NAV3: variants seen among roughly 807,000 people sequenced by gnomAD.
The protein encoded by NAV3 is pore membrane and/or filament interacting like protein 1.
Under a neutral mutation model 244.7 loss-of-function variants are expected in NAV3, and 87 were observed. That is an observed-to-expected ratio of 0.36 (90% CI 0.30 to 0.42). The LOEUF (loss-of-function observed/expected upper bound fraction) is 0.42. NAV3 is among the 20% of genes least tolerant of loss of function. The pLI, the probability that NAV3 is intolerant of heterozygous loss-of-function variation, is 1.00. For synonymous variants in NAV3, 1,126 were observed against 1,042.2 expected (o/e 1.08, Z -1.55); for missense variants, 2,663 against 2,893.3 (o/e 0.92, Z 1.83).
chr12:77,849,605 A>C (rs761407184), intron 1 of NAV3, among the ~76,000 whole-genome samples: 1 of 152,178 alleles, frequency 6.6e-6, no homozygotes, highest in Admixed American at 6.6e-5. Context: ...TATGAAACAT[A>C]AATTTCTTGT....
chr12:78,007,774 A>G (rs1273085938), intron 8 of NAV3, among the ~76,000 whole-genome samples: 1 of 152,198 alleles, frequency 6.6e-6, no homozygotes, highest in Non-Finnish European at 1.5e-5. Flanking sequence ...TACTGCTTCT[A>G]TTACTAGCGG....
intron 18 of NAV3, among the ~76,000 whole-genome samples, chr12:78,133,703 C>T (rs1157957206): frequency 1.3e-5 from 2 of 152,090 alleles, no homozygotes; most frequent in East Asian, 1.9e-4. Flanking sequence ...GTTCGTGTGT[C>T]GTTCCCAGCA....
intron 1 of NAV3, among the ~76,000 whole-genome samples, chr12:77,904,906 T>C (rs1885793802): frequency 6.6e-6 from 1 of 152,096 alleles, no homozygotes; most frequent in South Asian, 2.1e-4. Flanking sequence ...CTTTCTGAAG[T>C]GCTGGTTGTA....
chr12:77,745,561 C>A (rs563358638), intron 2 of NAV3, among the ~76,000 whole-genome samples: 1 of 151,988 alleles, frequency 6.6e-6, no homozygotes, highest in East Asian at 1.9e-4. Context: ...GGACCATAAT[C>A]TCTGGAAATT....
chr12:78,157,306 T>C (rs931395683), intron 22 of NAV3, among the ~76,000 whole-genome samples: 1 of 151,390 alleles, frequency 6.6e-6, no homozygotes, highest in Non-Finnish European at 1.5e-5. Context: ...GCCAACACTT[T>C]GCGGGGCCAA....
intron 2 of NAV3, among the ~76,000 whole-genome samples, chr12:77,682,499 T>C (rs1472478971): frequency 7.2e-5 from 11 of 152,160 alleles, no homozygotes; most frequent in Non-Finnish European, 1.6e-4. Flanking sequence ...ACTGATTTCA[T>C]TTCCTTTGGG....
At chr12:78,079,403 T>C (rs7358544) in intron 12 of NAV3, among the ~76,000 whole-genome samples, 18,047 of 152,256 alleles carry the variant, frequency 0.12, 1,114 homozygotes, top group South Asian at 0.2. Context: ...ATTAGCCTGC[T>C]ATTGATGCGT....
chr12:78,189,064 A>G (rs999882764), intron 33 of NAV3, among the ~76,000 whole-genome samples: 1 of 151,878 alleles, frequency 6.6e-6, no homozygotes, highest in African/African-American at 2.4e-5. Context: ...GATTTTCTTC[A>G]TTATCATCCT....
intron 2 of NAV3, among the ~76,000 whole-genome samples, chr12:77,759,819 CT>C (rs1869374550): frequency 6.6e-6 from 1 of 152,010 alleles, no homozygotes; most frequent in Admixed American, 6.6e-5. Flanking sequence ...GAACTAATGA[CT>C]TTTTCCTAGT....
chr12:77,647,305 C>T (rs994160873), intron 2 of NAV3, among the ~76,000 whole-genome samples: 2 of 152,062 alleles, frequency 1.3e-5, no homozygotes, highest in Non-Finnish European at 2.9e-5. Flanking sequence ...AGCAATTCCC[C>T]ATGTAATAGA....
intron 34 of NAV3, among the ~76,000 whole-genome samples, chr12:78,195,456 C>A (rs568698350): frequency 2.0e-5 from 3 of 151,706 alleles, no homozygotes; most frequent in Non-Finnish European, 2.9e-5. Flanking sequence ...TTATGTCTCC[C>A]TATAATGTTT....
Position 77,766,738 on chromosome 12 carries a change from T to TTTG in NAV3, c.73-173579_73-173578insGTT, listed in dbSNP as rs1869784447. ...ATTCTAAAAAACAGGCAATTAAGTT[T>TTTG]TTTTTTTTTTTTTTTTTTTTTTTTT... On this transcript the variant is annotated intron_variant, in intron 2 of 8. Coordinates refer to the NAV3 transcript ENST00000550042. Among the ~76,000 whole-genome samples, 16 of 19,608 alleles carry TTTG rather than the reference T, an allele frequency of 8.2e-4. 1 individual carries two copies. Among genetic ancestry groups the TTTG allele is most frequent in the African/African-American group, 3.4e-3 (15 of 4,350 alleles). 12.9% of individuals were successfully genotyped at this position (19,608 alleles called of 152,430 possible).
intron 9 of NAV3, among the ~76,000 whole-genome samples, chr12:78,033,835 C>G (rs1333548590): frequency 6.6e-6 from 1 of 152,098 alleles, no homozygotes; most frequent in African/African-American, 2.4e-5. Context: ...TTTAATCTGA[C>G]AAATGAAATA....
intron 9 of NAV3, among the ~76,000 whole-genome samples, chr12:78,032,385 A>G (rs1341242265): frequency 1.3e-5 from 2 of 152,312 alleles, no homozygotes; most frequent in East Asian, 3.9e-4. Context: ...TAAAAAGGTA[A>G]TAAATTATGG....
At chr12:77,886,089 A>G (rs1356253066) in intron 1 of NAV3, among the ~76,000 whole-genome samples, 3 of 152,100 alleles carry the variant, frequency 2.0e-5, no homozygotes, top group Non-Finnish European at 1.5e-5. Flanking sequence ...GATAGTCTCA[A>G]TCCAGGCTTA....
At chr12:77,994,923 C>T (rs1460235969) in intron 6 of NAV3, 52 bp downstream of exon 6, 8 of 1,264,890 alleles carry the variant, frequency 6.3e-6, no homozygotes, top group Non-Finnish European at 9.0e-6. Context: ...CAAATAAATA[C>T]CCAGTGATAT....
chr12:77,992,491 T>C (rs541574432), intron 5 of NAV3, among the ~76,000 whole-genome samples: 4 of 152,070 alleles, frequency 2.6e-5, no homozygotes, highest in Non-Finnish European at 5.9e-5. Context: ...ATAAAGAAAT[T>C]TAAGTAAGGA....
At chr12:77,879,489 A>G (rs764352905) in intron 1 of NAV3, among the ~76,000 whole-genome samples, 4 of 152,014 alleles carry the variant, frequency 2.6e-5, no homozygotes, top group South Asian at 2.1e-4. Context: ...CACATGGCCA[A>G]CTTGGAGAAA....
intron 5 of NAV3, among the ~76,000 whole-genome samples, chr12:77,969,161 T>TGTGG (rs1892781093): frequency 2.6e-5 from 4 of 151,820 alleles, no homozygotes; most frequent in African/African-American, 9.7e-5. Flanking sequence ...TGTGTGTGTG[T>TGTGG]GTGTGTGTGC....
Sources: allele counts gnomAD v4.1 joint callset (sites outside exome capture counted in the v4.1 genomes callset), GRCh38; gene constraint gnomAD v4.1.1; transcripts MANE v1.5; gene names NCBI Gene and HGNC (gene_info 2026-07-23, HGNC 2026-07-21).